The following ADAMTS12 variants were observed in gnomAD, a reference collection of about 807,000 sequenced individuals.
ADAMTS12 encodes the protein A disintegrin and metalloproteinase with thrombospondin motifs 12.
Under a neutral mutation model 167.8 loss-of-function variants are expected in ADAMTS12, and 118 were observed. That is an observed-to-expected ratio of 0.70 (90% CI 0.61 to 0.82). The LOEUF (loss-of-function observed/expected upper bound fraction) is 0.82. Ranked by LOEUF, ADAMTS12 falls within the 40% of genes least tolerant of loss-of-function variation. ADAMTS12 has a pLI of 0.00. For synonymous variants in ADAMTS12, 704 were observed against 716.9 expected, an observed-to-expected ratio of 0.98 and a Z score of 0.29; for missense variants, 1,916 against 1,998.8, an observed-to-expected ratio of 0.96 and a Z score of 0.79.
chr5:33,699,455 A>G (rs138470881), intron 3 of ADAMTS12, among the ~76,000 whole-genome samples: 2 of 152,222 alleles, frequency 1.3e-5, no homozygotes, highest in East Asian at 3.9e-4. Flanking sequence ...ACGTAAAATT[A>G]TAAAAATTTG....
intron 3 of ADAMTS12, among the ~76,000 whole-genome samples, chr5:33,732,625 A>T (rs1310072654): frequency 6.6e-6 from 1 of 152,234 alleles, no homozygotes; most frequent in Admixed American, 6.5e-5. Flanking sequence ...GAGAAGATTT[A>T]AAAAATACTT....
chr5:33,876,001 T>C (rs1047345522), intron 2 of ADAMTS12, among the ~76,000 whole-genome samples: 2 of 152,184 alleles, frequency 1.3e-5, no homozygotes, highest in Admixed American at 1.3e-4. Context: ...AAATTAATTA[T>C]GTGTTTACAT....
intron 5 of ADAMTS12, among the ~76,000 whole-genome samples, chr5:33,677,506 T>C (rs1741958955): frequency 2.0e-5 from 3 of 151,648 alleles, no homozygotes; most frequent in Admixed American, 6.6e-5. Context: ...GAGGAAAGAG[T>C]CTAATCCCAT....
intron 2 of ADAMTS12, among the ~76,000 whole-genome samples, chr5:33,835,972 C>CTCT (rs1748510542): frequency 8.3e-6 from 1 of 120,676 alleles, no homozygotes; most frequent in African/African-American, 3.5e-5. Flanking sequence ...TGTGTGTGTC[C>CTCT]ATCTGGGCAG....
intron 1 of ADAMTS12, among the ~76,000 whole-genome samples, chr5:33,881,734 G>GTTT (rs11295558): frequency 1.7e-5 from 2 of 120,168 alleles, no homozygotes; most frequent in Non-Finnish European, 1.8e-5. Flanking sequence ...GGCTAATTTT[G>GTTT]TTTTTTTTTT....
At chr5:33,775,193 C>G (rs1038398623) in intron 2 of ADAMTS12, among the ~76,000 whole-genome samples, 1 of 152,122 alleles carries the variant, frequency 6.6e-6, no homozygotes. Context: ...TCAATAGAGA[C>G]GTTCACCCCT....
chr5:33,705,302 T>TGTGC (rs1491430613), intron 3 of ADAMTS12, among the ~76,000 whole-genome samples: 1 of 147,538 alleles, frequency 6.8e-6, no homozygotes, highest in African/African-American at 2.5e-5. Flanking sequence ...TGTGTGTGTG[T>TGTGC]GCGTGTATAC....
chr5:33,644,962 C>A (rs1275394599), intron 9 of ADAMTS12, among the ~76,000 whole-genome samples: 2 of 152,116 alleles, frequency 1.3e-5, no homozygotes, highest in Admixed American at 1.3e-4. Context: ...GATCTCCTGA[C>A]CTCGTGATCT....
At position 33,683,996 on chromosome 5, in the gene ADAMTS12, A is replaced by G. The variant is rs778524313; in HGVS notation, c.694T>C (p.Leu232=). ...CGCCGAGAGAGGCTTCTGCTTGGCAAGTTGTGCCTCTCCCACTTCTCCCGC... is the reference window on the plus strand; with the variant it reads ...CGCCGAGAGAGGCTTCTGCTTGGCAGGTTGTGCCTCTCCCACTTCTCCCGC... ...LWREKWERHN[L]PSRSLSRRSI... The change falls in exon 4 of 24, where the codon TTG becomes CTG. Residue 232 remains leucine (L), a synonymous_variant. Transcript: ENST00000504830. 6 of 1,610,770 alleles carry G rather than the reference A, an allele frequency of 3.7e-6. No individual in the cohort carries two copies. In the African/African-American group the frequency reaches 6.7e-5, roughly 18 times the overall value.
chr5:33,861,018 A>G (rs1749595718), intron 2 of ADAMTS12, among the ~76,000 whole-genome samples: 1 of 152,210 alleles, frequency 6.6e-6, no homozygotes, highest in South Asian at 2.1e-4. Context: ...GGCTTACAAG[A>G]GCTCCTGAAG....
At chr5:33,881,059 C>A in intron 2 of ADAMTS12, 60 bp downstream of exon 2, 1 of 1,571,528 alleles carries the variant, frequency 6.4e-7, no homozygotes, top group South Asian at 1.2e-5. Context: ...GGTAGTAGGT[C>A]TACCAGCTGA....
rs1743686331 is a variant in ADAMTS12 at position 33,523,784 on chromosome 5, T to C, written c.*3404A>G. The stretch of plus-strand genomic sequence containing the variant: ...TAGTAACATAACTTAGAATACTACT[T>C]GAATAAGCAGTACAGACAACAGGAG... On this transcript the variant is annotated 3_prime_UTR_variant, in exon 24 of 24. Transcript: ENST00000504830. 6.6e-6 allele frequency: 1 copy of C among 152,170 alleles called. No individual in the cohort carries two copies. 9.4% of individuals were successfully genotyped at this position (152,170 alleles called of 1,614,324 possible).
intron 22 of ADAMTS12, among the ~76,000 whole-genome samples, chr5:33,540,887 C>G (rs574238608): frequency 3.3e-5 from 5 of 152,222 alleles, no homozygotes; most frequent in Non-Finnish European, 5.9e-5. Context: ...GAAACCAGAG[C>G]AGAAAAGGTG....
At chr5:33,548,735 A>G (rs906166508) in intron 21 of ADAMTS12, among the ~76,000 whole-genome samples, 2 of 129,194 alleles carry the variant, frequency 1.5e-5, no homozygotes, top group Admixed American at 7.9e-5. Context: ...CACACTCGTT[A>G]TTTGTACAGT....
At chr5:33,758,507 A>C (rs976304876) in intron 2 of ADAMTS12, among the ~76,000 whole-genome samples, 7 of 152,200 alleles carry the variant, frequency 4.6e-5, no homozygotes, top group African/African-American at 1.7e-4. Context: ...AAACAACAGC[A>C]GTGGGCTTGT....
chr5:33,867,391 T>A (rs1749862296), intron 2 of ADAMTS12, among the ~76,000 whole-genome samples: 1 of 152,144 alleles, frequency 6.6e-6, no homozygotes, highest in African/African-American at 2.4e-5. Context: ...ACCTCACTTA[T>A]AAGTGGAAGC....
chr5:33,570,932 C>T (rs1383289437), intron 19 of ADAMTS12, among the ~76,000 whole-genome samples: 1 of 151,262 alleles, frequency 6.6e-6, no homozygotes, highest in African/African-American at 2.4e-5. Context: ...ACAAAAAAGG[C>T]AGGGGTTGCA....
chr5:33,854,850 C>T (rs1749344181), intron 2 of ADAMTS12, among the ~76,000 whole-genome samples: 1 of 152,208 alleles, frequency 6.6e-6, no homozygotes, highest in African/African-American at 2.4e-5. Flanking sequence ...CAGGCAACCC[C>T]CAAAGGTCAG....
Position 33,596,058 on chromosome 5 carries a change from T to A in ADAMTS12, c.2530A>T (p.Ile844Phe). The A allele has an allele frequency of 6.2e-7, 1 of 1,613,920 alleles. No individual in the cohort carries two copies. Among genetic ancestry groups the A allele is most frequent in the Non-Finnish European group, 8.5e-7 (1 of 1,179,904 alleles). Residue 844 changes from isoleucine to phenylalanine, a missense_variant and splice_region_variant, in exon 17 of 24, where the codon ATC becomes TTC. Transcript: ENST00000504830. The part of the protein sequence containing the change: ...TECSVTCGTG[I>F]RRQTAHCIKK... ...ATGCAATGGGCAGTTTGGCGGCGGA[T>A]ACCTGGGGGTCAGACAGAAAGATTC...
Sources: gnomAD v4.1 joint callset for allele counts (sites outside exome capture counted in the v4.1 genomes callset) on GRCh38, gnomAD v4.1.1 for gene constraint, MANE v1.5 for transcripts, NCBI Gene and HGNC (gene_info 2026-07-23, HGNC 2026-07-21) for gene names.